RIMS2: variants seen among roughly 807,000 people sequenced by gnomAD.
RIMS2 encodes regulating synaptic membrane exocytosis 2, also known as regulating synaptic membrane exocytosis protein 2.
RIMS2 carries 59 observed loss-of-function variants against 174.4 expected under a neutral mutation model. That is an observed-to-expected ratio of 0.34 (90% CI 0.27 to 0.42). RIMS2 has a LOEUF of 0.42. RIMS2 is among the 10% of genes least tolerant of loss of function. The probability of loss-of-function intolerance (pLI) is 1.00; values close to 1 mark genes in which losing one functional copy is unlikely to be tolerated. For missense variants in RIMS2, 1,620 were observed against 1,666.3 expected, an observed-to-expected ratio of 0.97 and a Z score of 0.48; for synonymous variants, 606 against 572.5, an observed-to-expected ratio of 1.06 and a Z score of -0.84.
rs150879916 is a variant in RIMS2 at position 104,177,115 on chromosome 8, T to C, written c.3335-67801T>C. ...TAATATAATGTATTTCGTTTGCATA[T>C]AAAGGAGGTAACCACAGTTCTTAAA... is the stretch of plus-strand genomic sequence containing the variant. On this transcript the variant is annotated intron_variant, in intron 19 of 23. Coordinates refer to ENST00000504942, the Ensembl canonical transcript of RIMS2. 3.5e-3 allele frequency among the ~76,000 whole-genome samples: 533 copies of C among 152,260 alleles called. 3 individuals are homozygous for C. The highest frequency in any genetic ancestry group is 0.012 in the African/African-American group (510 of 41,564).
intron 19 of RIMS2, among the ~76,000 whole-genome samples, chr8:104,065,084 A>G (rs56310353): frequency 0.25 from 37,421 of 151,924 alleles, 4,872 homozygotes; most frequent in South Asian, 0.35. Context: ...AATTATTTCA[A>G]CAATATATAA....
At chr8:103,787,462 G>A (rs1475232529) in intron 3 of RIMS2, among the ~76,000 whole-genome samples, 18 of 150,382 alleles carry the variant, frequency 1.2e-4, no homozygotes, top group African/African-American at 4.4e-4. Context: ...TTTAGGGCAG[G>A]CCTGGTGGTG....
intron 1 of RIMS2, among the ~76,000 whole-genome samples, chr8:103,575,632 T>A (rs1368035193): frequency 6.8e-6 from 1 of 148,096 alleles, no homozygotes; most frequent in South Asian, 2.1e-4. Flanking sequence ...TAATATATAT[T>A]TATGTTTTAT....
intron 3 of RIMS2, among the ~76,000 whole-genome samples, chr8:103,778,626 T>TAACAA (rs2098346197): frequency 6.6e-6 from 1 of 152,190 alleles, no homozygotes. Context: ...CCATTCTATA[T>TAACAA]ATATGTCACA....
intron 3 of RIMS2, among the ~76,000 whole-genome samples, chr8:103,795,040 A>T (rs1300444907): frequency 6.6e-6 from 1 of 152,240 alleles, no homozygotes; most frequent in Non-Finnish European, 1.5e-5. Context: ...TTCCTCAGGG[A>T]TCTAGAACTA....
chr8:103,976,205 G>A (rs1450926669), intron 16 of RIMS2: 1 of 152,166 alleles, frequency 6.6e-6, no homozygotes, highest in Non-Finnish European at 1.5e-5. Flanking sequence ...TTTAAGGAAA[G>A]CAAGATGGTT....
At chr8:103,691,252 G>A (rs936751279) in intron 1 of RIMS2, among the ~76,000 whole-genome samples, 2 of 152,132 alleles carry the variant, frequency 1.3e-5, no homozygotes, top group African/African-American at 2.4e-5. Context: ...GAAGTTCTCT[G>A]TTATTATCCC....
chr8:103,603,849 G>GT (rs1362305736), intron 1 of RIMS2, among the ~76,000 whole-genome samples: 9 of 149,500 alleles, frequency 6.0e-5, no homozygotes, highest in South Asian at 2.1e-4. Context: ...GGGGTTGTTT[G>GT]TTTTTTTCTT....
intron 1 of RIMS2, among the ~76,000 whole-genome samples, chr8:103,602,166 T>G (rs2094784652): frequency 6.6e-6 from 1 of 152,166 alleles, no homozygotes; most frequent in African/African-American, 2.4e-5. Flanking sequence ...TTTTGGTATA[T>G]TTAGTAGAGA....
intron 3 of RIMS2, among the ~76,000 whole-genome samples, chr8:103,870,820 A>G (rs999460798): frequency 6.6e-6 from 1 of 152,168 alleles, no homozygotes; most frequent in African/African-American, 2.4e-5. Flanking sequence ...ATTGATCTTT[A>G]TAACACTAGA....
intron 19 of RIMS2, among the ~76,000 whole-genome samples, chr8:104,025,442 GCAC>G (rs1225747060): frequency 6.6e-6 from 1 of 152,098 alleles, no homozygotes; most frequent in Non-Finnish European, 1.5e-5. Context: ...AGCTGTGACT[GCAC>G]CACCACACTC....
chr8:103,615,988 CGAG>C (rs1457101817), intron 1 of RIMS2, among the ~76,000 whole-genome samples: 3 of 151,958 alleles, frequency 2.0e-5, no homozygotes, highest in Admixed American at 6.6e-5. Flanking sequence ...TTGAAAAAAT[CGAG>C]GAGAAGGGAC....
At chr8:104,190,241 G>A (rs1563650332) in intron 19 of RIMS2, among the ~76,000 whole-genome samples, 3 of 152,092 alleles carry the variant, frequency 2.0e-5, no homozygotes, top group Admixed American at 2.0e-4. Context: ...GTTCAAGGCT[G>A]CAGTGGACCA....
At chr8:103,509,559 T>G (rs1216577644) in intron 1 of RIMS2, among the ~76,000 whole-genome samples, 3 of 152,110 alleles carry the variant, frequency 2.0e-5, no homozygotes, top group Non-Finnish European at 4.4e-5. Flanking sequence ...TGGAAGTTGG[T>G]GAAGATTCTG....
intron 19 of RIMS2, among the ~76,000 whole-genome samples, chr8:104,220,070 A>G (rs2099148227): frequency 6.6e-6 from 1 of 152,154 alleles, no homozygotes. Flanking sequence ...CATTTTCTCA[A>G]TAATTTCAGT....
rs190206863 is a variant in RIMS2 at position 103,887,892 on chromosome 8, C to T, written c.1624+1669C>T. ...TGTGAGTAGCGGTTCATTTCATGTT[C>T]CTAATTAGGAAGGCTAAGTAGTATA... On this transcript the variant is annotated intron_variant, in intron 4 of 23. Coordinates refer to ENST00000504942, the Ensembl canonical transcript of RIMS2. 5.1e-4 allele frequency among the ~76,000 whole-genome samples: 77 copies of T among 151,544 alleles called. 1 individual carries two copies. The highest frequency in any genetic ancestry group is 1.5e-3 in the South Asian group (7 of 4,816).
intron 3 of RIMS2, among the ~76,000 whole-genome samples, chr8:103,837,787 G>C (rs1049838894): frequency 7.9e-5 from 12 of 152,110 alleles, no homozygotes; most frequent in African/African-American, 2.9e-4. Flanking sequence ...TTGGTTCCAA[G>C]TCTTTGCTAT....
intron 16 of RIMS2, among the ~76,000 whole-genome samples, chr8:103,982,557 C>T (rs951366049): frequency 6.7e-6 from 1 of 150,014 alleles, no homozygotes; most frequent in Non-Finnish European, 1.5e-5. Flanking sequence ...TCATCAAGAC[C>T]AAGTAAAATT....
At chr8:103,865,536 C>T (rs569032239) in intron 3 of RIMS2, among the ~76,000 whole-genome samples, 9 of 152,126 alleles carry the variant, frequency 5.9e-5, no homozygotes, top group African/African-American at 1.7e-4. Context: ...CTGTCCACCT[C>T]GGCCTCCCAA....
Sources: allele counts gnomAD v4.1 joint callset (sites outside exome capture counted in the v4.1 genomes callset), GRCh38; gene constraint gnomAD v4.1.1; transcripts MANE v1.5; gene names NCBI Gene and HGNC (gene_info 2026-07-23, HGNC 2026-07-21).